SMAD4: variants seen among roughly 807,000 people sequenced by gnomAD.
The protein encoded by SMAD4 is SMAD family member 4.
SMAD4 carries 7 observed loss-of-function variants against 63.2 expected under a neutral mutation model. The ratio of observed to expected loss-of-function variants is 0.11; its 90% CI spans 0.06 to 0.21. SMAD4 has a LOEUF of 0.21. Ranked by LOEUF, SMAD4 falls within the 10% of genes least tolerant of loss-of-function variation. SMAD4 has a pLI of 1.00. For missense variants in SMAD4, 312 were observed against 693.8 expected, an observed-to-expected ratio of 0.45 and a Z score of 6.18; for synonymous variants, 215 against 235.4, an observed-to-expected ratio of 0.91 and a Z score of 0.79.
intron 1 of SMAD4, among the ~76,000 whole-genome samples, chr18:51,041,140 A>G (rs529369719): frequency 6.6e-6 from 1 of 151,644 alleles, no homozygotes; most frequent in Non-Finnish European, 1.5e-5. Flanking sequence ...CTGGTTTTCT[A>G]TTTCCTTTTC....
chr18:51,038,060 G>A (rs1180355714), intron 1 of SMAD4, among the ~76,000 whole-genome samples: 2 of 152,080 alleles, frequency 1.3e-5, no homozygotes, highest in Non-Finnish European at 2.9e-5. Flanking sequence ...AGGCGGAGGT[G>A]GGAGAATTGC....
chr18:51,070,842 A>AGGG (rs1019693324), intron 10 of SMAD4, among the ~76,000 whole-genome samples: 1 of 152,148 alleles, frequency 6.6e-6, no homozygotes, highest in African/African-American at 2.4e-5. Flanking sequence ...AGTAACCTTT[A>AGGG]TTTAGTTCAT....
chr18:51,060,194 C>T (rs181866774), intron 8 of SMAD4, among the ~76,000 whole-genome samples: 1 of 152,244 alleles, frequency 6.6e-6, no homozygotes, highest in African/African-American at 2.4e-5. Flanking sequence ...CATAAATATG[C>T]AGCAGAATAA....
chr18:51,079,497 T>G lies in SMAD4; in HGVS notation c.*1030T>G, dbSNP rs1290043885. The G allele has an allele frequency of 4.3e-6, 1 of 233,308 alleles. No individual in the cohort carries two copies. The highest frequency in any genetic ancestry group is 5.6e-5 in the Admixed American group (1 of 17,774). The allele number at this position is 233,308 out of a possible 1,614,324, so 14.5% of individuals were successfully genotyped here. Reference sequence around the variant, plus strand: ...GTTCATAATAGGTAGTTTGGATATTTTTGTACTTGATTTGATGTGACTTTT... The same window carrying G: ...GTTCATAATAGGTAGTTTGGATATTGTTGTACTTGATTTGATGTGACTTTT... On this transcript the variant is annotated 3_prime_UTR_variant, in exon 12 of 12. Transcript: ENST00000342988.
intron 11 of SMAD4, chr18:51,077,019 A>G (rs1353897032): frequency 1.0e-5 from 4 of 386,624 alleles, no homozygotes; most frequent in Non-Finnish European, 1.9e-5. Flanking sequence ...GATGATTATT[A>G]TATTATACTG....
Position 51,056,934 on chromosome 18 carries a change from A to G in SMAD4, c.668-1191A>G, listed in dbSNP as rs567516853. On this transcript the variant is annotated intron_variant, in intron 5 of 11. Transcript: ENST00000342988. ...CAATTTTTGTAAGTTAGCTAAGAGTATTGCCTGTAGAATTGTTAAAAATAT... is the reference window on the plus strand; with the variant it reads ...CAATTTTTGTAAGTTAGCTAAGAGTGTTGCCTGTAGAATTGTTAAAAATAT... Among the ~76,000 whole-genome samples the G allele has an allele frequency of 3.9e-3, 589 of 152,324 alleles. 2 individuals carry two copies. The highest frequency in any genetic ancestry group is 7.0e-3 in the Non-Finnish European group (476 of 68,012).
chr18:51,041,088 C>A (rs999601450), intron 1 of SMAD4, among the ~76,000 whole-genome samples: 8 of 152,092 alleles, frequency 5.3e-5, no homozygotes, highest in African/African-American at 1.9e-4. Context: ...TGCCCATGCC[C>A]CAGTCTAGGA....
intron 10 of SMAD4, among the ~76,000 whole-genome samples, chr18:51,075,506 C>A (rs1910449272): frequency 6.6e-6 from 1 of 152,162 alleles, no homozygotes; most frequent in Admixed American, 6.5e-5. Context: ...CATTGAGCAG[C>A]CTTGCTTCAG....
At chr18:51,037,681 A>G (rs1336632496) in intron 1 of SMAD4, among the ~76,000 whole-genome samples, 1 of 152,210 alleles carries the variant, frequency 6.6e-6, no homozygotes, top group Non-Finnish European at 1.5e-5. Flanking sequence ...CTTTTCTAGG[A>G]AAAGCACTTG....
chr18:51,079,975 T>TG lies in SMAD4; in HGVS notation c.*1508_*1509insG, dbSNP rs1257282099. 1 of 232,022 alleles carries TG rather than the reference T, an allele frequency of 4.3e-6. No homozygotes were observed. Among genetic ancestry groups the TG allele is most frequent in the Non-Finnish European group, 8.5e-6 (1 of 117,480 alleles). The allele number at this position is 232,022 out of a possible 1,614,324, so 14.4% of individuals were successfully genotyped here. On this transcript the variant is annotated 3_prime_UTR_variant, in exon 12 of 12. Transcript: ENST00000342988. ...TCATGTGTAGAGTTGGTTTTTTTTT[T>TG]TTTTAATTTTTATTTTACTATAGCA...
At chr18:51,070,250 AGT>A (rs1039965648) in intron 10 of SMAD4, among the ~76,000 whole-genome samples, 4 of 152,324 alleles carry the variant, frequency 2.6e-5, no homozygotes, top group African/African-American at 9.6e-5. Flanking sequence ...GAATCGTGCA[AGT>A]GTAATTTCTT....
intron 1 of SMAD4, among the ~76,000 whole-genome samples, chr18:51,038,244 G>A (rs1403797173): frequency 2.1e-5 from 2 of 96,402 alleles, no homozygotes; most frequent in Non-Finnish European, 4.2e-5. Context: ...GCTACAGAGC[G>A]AGACTGTGGG....
chr18:51,037,956 C>T (rs1909253983), intron 1 of SMAD4, among the ~76,000 whole-genome samples: 1 of 151,994 alleles, frequency 6.6e-6, no homozygotes, highest in Non-Finnish European at 1.5e-5. Flanking sequence ...AAAGACTTTT[C>T]TGATGAGATG....
chr18:51,036,119 C>T (rs773087627), intron 1 of SMAD4, among the ~76,000 whole-genome samples: 1 of 151,740 alleles, frequency 6.6e-6, no homozygotes, highest in African/African-American at 2.4e-5. Context: ...GACTACAGGC[C>T]GGCACCACCA....
chr18:51,078,603 C>T lies in SMAD4; in HGVS notation c.*136C>T. The stretch of plus-strand genomic sequence containing the variant: ...AAAGGGTTGAAAATGTGTTTGCTGC[C>T]TTGCTCCTAGCAGACAGAAACTGGA... On this transcript the variant is annotated 3_prime_UTR_variant, in exon 12 of 12. Coordinates refer to ENST00000342988, the MANE Select transcript of SMAD4 (RefSeq NM_005359.6). 1 of 703,524 alleles carries T rather than the reference C, an allele frequency of 1.4e-6. No homozygotes were observed. Among genetic ancestry groups the T allele is most frequent in the Non-Finnish European group, 2.3e-6 (1 of 428,370 alleles). 43.6% of individuals were successfully genotyped at this position (703,524 alleles called of 1,614,324 possible).
In SMAD4 at chr18:51,042,277, TTGCC is replaced by T. The variant is rs1377692310; in HGVS notation, c.-127-4633_-127-4630del. Among the ~76,000 whole-genome samples, 115 of 149,478 alleles carry T rather than the reference TTGCC, an allele frequency of 7.7e-4. 5 individuals carry two copies. The highest frequency in any genetic ancestry group is 2.8e-3 in the African/African-American group (110 of 39,520). On this transcript the variant is annotated intron_variant, in intron 1 of 11. Coordinates refer to ENST00000342988, the MANE Select transcript of SMAD4 (RefSeq NM_005359.6). ...AAATTTCTTTTAATTCATTTTTTTC[TTGCC>T]TGCCTGCCTCCCTCCCTCCTTCCCT... is the stretch of plus-strand genomic sequence containing the variant.
At position 51,079,258 on chromosome 18, in the gene SMAD4, TG is replaced by T. The variant is rs1475727439; in HGVS notation, c.*793del. ...TCTTCTGTATTTCTAGGCACAAGGTTGGTTGCTAAGAAGCCTATAAGAGGAA... is the reference window on the plus strand; with the variant it reads ...TCTTCTGTATTTCTAGGCACAAGGTTGTTGCTAAGAAGCCTATAAGAGGAA... On this transcript the variant is annotated 3_prime_UTR_variant, in exon 12 of 12. Coordinates refer to ENST00000342988, the MANE Select transcript of SMAD4 (RefSeq NM_005359.6). 1 of 233,100 alleles carries T rather than the reference TG, an allele frequency of 4.3e-6. No homozygotes were observed. The highest frequency in any genetic ancestry group is 6.1e-5 in the East Asian group (1 of 16,462). 14.4% of individuals were successfully genotyped at this position (233,100 alleles called of 1,614,324 possible).
rs1555685140 is a variant in SMAD4 at position 51,048,683 on chromosome 18, T to C, written c.250-3T>C. 1 of 1,611,124 alleles carries C rather than the reference T, an allele frequency of 6.2e-7. No homozygotes were observed. On this transcript the variant is annotated splice_region_variant and splice_polypyrimidine_tract_variant and intron_variant, in intron 2 of 11. Coordinates refer to ENST00000342988, the MANE Select transcript of SMAD4 (RefSeq NM_005359.6). Reference sequence around the variant, plus strand: ...ATGAATAAATGGTCGTTTATTTTTCTAGGTGGCTGGTCGGAAAGGATTTCC... The same window carrying C: ...ATGAATAAATGGTCGTTTATTTTTCCAGGTGGCTGGTCGGAAAGGATTTCC...
chr18:51,056,794 A>G (rs1029784523), intron 5 of SMAD4, among the ~76,000 whole-genome samples: 3 of 152,184 alleles, frequency 2.0e-5, no homozygotes, highest in Non-Finnish European at 4.4e-5. Flanking sequence ...AGTATTCAGT[A>G]TGGATAACTA....
Sources: allele counts gnomAD v4.1 joint callset (sites outside exome capture counted in the v4.1 genomes callset), GRCh38; gene constraint gnomAD v4.1.1; transcripts MANE v1.5; gene names NCBI Gene and HGNC (gene_info 2026-07-23, HGNC 2026-07-21).